Variants in SETD5 observed in about 807,000 individuals in gnomAD.
SETD5 encodes the protein histone-lysine N-methyltransferase SETD5.
SETD5 carries 44 observed loss-of-function variants against 153.3 expected under a neutral mutation model. The ratio of observed to expected loss-of-function variants is 0.29; its 90% CI spans 0.23 to 0.37. The LOEUF (loss-of-function observed/expected upper bound fraction) is 0.37. Among genes scored for constraint, SETD5 ranks in the 10% least tolerant of loss-of-function variants. The probability of loss-of-function intolerance (pLI) is 1.00; values close to 1 mark genes in which losing one functional copy is unlikely to be tolerated. For missense variants in SETD5, 1,544 were observed against 1,768.0 expected (o/e 0.87, Z 2.27); for synonymous variants, 716 against 645.2 (o/e 1.11, Z -1.66).
intron 21 of SETD5, 152 bp downstream of exon 21, chr3:9,474,734 G>A: frequency 1.9e-6 from 2 of 1,057,362 alleles, no homozygotes; most frequent in South Asian, 3.2e-5. Context: ...TGCTCATTTG[G>A]GCTACCACAT....
At chr3:9,454,638 A>C (rs11920193) in intron 17 of SETD5, among the ~76,000 whole-genome samples, 9,055 of 148,596 alleles carry the variant, frequency 0.061, 1,016 homozygotes, top group African/African-American at 0.22. Flanking sequence ...AAAAAAAAAA[A>C]AAAAAAAAAA....
chr3:9,477,552 C>T lies in SETD5; in HGVS notation c.*1461C>T, dbSNP rs1006273867. On this transcript the variant is annotated 3_prime_UTR_variant, in exon 23 of 23. Transcript: ENST00000402198. ...TTTGTTTTCCTTTTTTCCCCAGCCT[C>T]TTGCATCCCCTTCTTTTCTACCCTG... 6.6e-6 allele frequency: 1 copy of T among 152,528 alleles called. No homozygotes were observed. The highest frequency in any genetic ancestry group is 1.5e-5 in the Non-Finnish European group (1 of 68,040). 9.4% of individuals were successfully genotyped at this position (152,528 alleles called of 1,614,324 possible). A position where few individuals can be genotyped will look rare whatever the true frequency, so the allele number is the denominator to read the frequency against.
At chr3:9,438,061 C>T (rs565692933) in intron 7 of SETD5, among the ~76,000 whole-genome samples, 113 of 152,112 alleles carry the variant, frequency 7.4e-4, no homozygotes, top group African/African-American at 2.6e-3. Flanking sequence ...TGTGCAGCAC[C>T]AGTGTGACTG....
chr3:9,468,403 T>G, intron 18 of SETD5: 1 of 736,006 alleles, frequency 1.4e-6, no homozygotes, highest in Non-Finnish European at 2.0e-6. Flanking sequence ...TTATTCAACT[T>G]CCCCGCCCCC....
At chr3:9,443,085 C>A (rs961465137) in intron 10 of SETD5, 2 of 408,510 alleles carry the variant, frequency 4.9e-6, no homozygotes, top group Non-Finnish European at 9.0e-6. Flanking sequence ...TTTCTAACAT[C>A]TCAAGGTTTC....
chr3:9,442,252 T>G lies in SETD5; in HGVS notation c.1077+7T>G. The stretch of plus-strand genomic sequence containing the variant: ...ATGTACACCAAATGCAGAGGTAAGA[T>G]ATCTGTAGCAACTTCCCTTTGACTG... On this transcript the variant is annotated splice_region_variant and intron_variant, in intron 10 of 22. Coordinates refer to ENST00000402198, the MANE Select transcript of SETD5 (RefSeq NM_001080517.3). The G allele has an allele frequency of 6.3e-7, 1 of 1,588,648 alleles. No individual in the cohort carries two copies. The highest frequency in any genetic ancestry group is 8.6e-7 in the Non-Finnish European group (1 of 1,159,542).
intron 18 of SETD5, among the ~76,000 whole-genome samples, chr3:9,466,711 T>A (rs2044625574): frequency 6.6e-6 from 1 of 152,084 alleles, no homozygotes; most frequent in Non-Finnish European, 1.5e-5. Flanking sequence ...TTGTGAAATA[T>A]CAAAAAGGTG....
At chr3:9,410,124 G>A (rs2036325322) in intron 1 of SETD5, among the ~76,000 whole-genome samples, 2 of 152,138 alleles carry the variant, frequency 1.3e-5, no homozygotes, top group Admixed American at 1.3e-4. Context: ...AACCTAGATG[G>A]TACACCTAAG....
At chr3:9,440,727 A>G (rs2041166616) in intron 8 of SETD5, 29 bp downstream of exon 8, 1 of 1,597,502 alleles carries the variant, frequency 6.3e-7, no homozygotes, top group Non-Finnish European at 8.5e-7. Flanking sequence ...AGGACTCTCT[A>G]AGTAGCTGAA....
chr3:9,440,955 A>G lies in SETD5; in HGVS notation c.810+257A>G, dbSNP rs1039996047. ...TGCAGTGCAGTGGCTCACTCCTATA[A>G]TACAACACTTTGGCAAGAAGCCAAG... On this transcript the variant is annotated intron_variant, in intron 8 of 22. Coordinates refer to ENST00000402198, the MANE Select transcript of SETD5 (RefSeq NM_001080517.3). Among the ~76,000 whole-genome samples the G allele has an allele frequency of 3.3e-5, 5 of 152,290 alleles. No homozygotes were observed. In the East Asian group the frequency reaches 9.6e-4, roughly 29 times the overall value.
intron 3 of SETD5, chr3:9,433,582 T>G: frequency 7.8e-7 from 1 of 1,288,502 alleles, no homozygotes; most frequent in Non-Finnish European, 1.0e-6. Flanking sequence ...TGTTTGTCAT[T>G]AGGGACACCT....
At chr3:9,417,611 A>G (rs3885754) in intron 1 of SETD5, among the ~76,000 whole-genome samples, 39,197 of 148,976 alleles carry the variant, frequency 0.26, 5,868 homozygotes, top group African/African-American at 0.42. Flanking sequence ...TCAGCCTCCC[A>G]AGTAGCTGAG....
At chr3:9,450,092 G>T in intron 16 of SETD5, among the ~76,000 whole-genome samples, 1 of 152,184 alleles carries the variant, frequency 6.6e-6, no homozygotes, top group South Asian at 2.1e-4. Context: ...AACTAGCAGA[G>T]ACTTAACGAA....
intron 16 of SETD5, among the ~76,000 whole-genome samples, chr3:9,450,359 T>G (rs763621881): frequency 6.6e-6 from 1 of 152,226 alleles, no homozygotes; most frequent in Non-Finnish European, 1.5e-5. Context: ...AGGAAGAGTT[T>G]AGGCTGCATA....
intron 17 of SETD5, among the ~76,000 whole-genome samples, chr3:9,462,027 C>T (rs2044008759): frequency 6.6e-6 from 1 of 152,186 alleles, no homozygotes; most frequent in South Asian, 2.1e-4. Context: ...CCTGAGATAT[C>T]AGAAAGGAAA....
At chr3:9,404,665 T>TA (rs1405312184) in intron 1 of SETD5, among the ~76,000 whole-genome samples, 3 of 152,212 alleles carry the variant, frequency 2.0e-5, no homozygotes, top group Non-Finnish European at 4.4e-5. Flanking sequence ...TTGCCAGTAT[T>TA]AAACATCCTT....
chr3:9,438,333 T>C (rs1371513887), intron 7 of SETD5, among the ~76,000 whole-genome samples: 1 of 152,126 alleles, frequency 6.6e-6, no homozygotes, highest in Non-Finnish European at 1.5e-5. Flanking sequence ...TAAATAGACT[T>C]TGGAGGCAGA....
intron 3 of SETD5, chr3:9,431,699 A>G (rs1056839127): frequency 3.2e-5 from 32 of 985,644 alleles, no homozygotes; most frequent in Non-Finnish European, 3.9e-5. Context: ...TTTTATTTTT[A>G]TTCCCTAGAC....
chr3:9,430,725 A>T lies in SETD5; in HGVS notation c.71+1716A>T, dbSNP rs927380148. ...AATTGCTGGATAAAAGACCCAGAGCAGTTAATCTTACAATTGGTGTTTTCC... is the reference window on the plus strand; with the variant it reads ...AATTGCTGGATAAAAGACCCAGAGCTGTTAATCTTACAATTGGTGTTTTCC... On this transcript the variant is annotated intron_variant, in intron 3 of 22. Transcript: ENST00000402198. 4.7e-6 allele frequency: 3 copies of T among 636,040 alleles called. No homozygotes were observed. In the African/African-American group the frequency reaches 6.0e-5, roughly 13 times the overall value. The allele number at this position is 636,040 out of a possible 1,614,324, so 39.4% of individuals were successfully genotyped here.
Sources: allele counts gnomAD v4.1 joint callset (sites outside exome capture counted in the v4.1 genomes callset), GRCh38; gene constraint gnomAD v4.1.1; transcripts MANE v1.5; gene names NCBI Gene and HGNC (gene_info 2026-07-23, HGNC 2026-07-21).